TSGA13: variants seen among roughly 807,000 people sequenced by gnomAD.
TSGA13 encodes the protein testis specific 13.
TSGA13 carries 37 observed loss-of-function variants against 35.1 expected under a neutral mutation model. The ratio of observed to expected loss-of-function variants is 1.05; its 90% CI spans 0.81 to 1.39. TSGA13 has a LOEUF of 1.39. Ranked by LOEUF, TSGA13 falls within the 40% of genes most tolerant of loss-of-function variation. TSGA13 has a pLI of 0.00. For missense variants in TSGA13, 338 were observed against 328.5 expected (o/e 1.03, Z -0.22); for synonymous variants, 124 against 121.2 (o/e 1.02, Z -0.15).
rs1796179104 is a variant in TSGA13, at chr7:130,669,030, G to T, written c.812C>A (p.Ala271Asp). The T allele has an allele frequency of 1.2e-6, 2 of 1,614,078 alleles. No individual in the cohort carries two copies. Among genetic ancestry groups the T allele is most frequent in the Non-Finnish European group, 1.7e-6 (2 of 1,180,042 alleles). The change falls in exon 8 of 8, where the codon GCC (alanine) becomes GAC (aspartate). Residue 271 changes from alanine (A) to aspartate (D), a missense_variant. Coordinates refer to ENST00000356588, the MANE Select transcript of TSGA13 (RefSeq NM_052933.4). ...GRAPQWIIKK[A>D]TVIG ...GGTCTGTGTTCACCCGATGACCGTG[G>T]CCTTTTTGATAATCCACTGCGGGGC...
intron 7 of TSGA13, among the ~76,000 whole-genome samples, chr7:130,670,297 C>G (rs1796232461): frequency 6.6e-6 from 1 of 152,138 alleles, no homozygotes. Flanking sequence ...TGACCCCAGG[C>G]CTTCGGTATC....
chr7:130,678,591 T>C (rs191254452), intron 5 of TSGA13, among the ~76,000 whole-genome samples: 16 of 152,312 alleles, frequency 1.1e-4, no homozygotes, highest in Admixed American at 9.2e-4. Context: ...AAATTAAATA[T>C]CTTTGGCCAA....
chr7:130,674,896 CACTT>C (rs1240964722), intron 5 of TSGA13, among the ~76,000 whole-genome samples: 4 of 152,126 alleles, frequency 2.6e-5, no homozygotes, highest in Admixed American at 6.5e-5. Context: ...GCAAAAACTG[CACTT>C]ACTTTTGTGT....
intron 5 of TSGA13, among the ~76,000 whole-genome samples, chr7:130,673,870 G>A (rs926935793): frequency 1.3e-5 from 2 of 152,066 alleles, no homozygotes; most frequent in Admixed American, 6.5e-5. Context: ...CCAAAGCGAT[G>A]GATCATGAGG....
intron 7 of TSGA13, among the ~76,000 whole-genome samples, chr7:130,669,945 A>C (rs1263658023): frequency 6.6e-6 from 1 of 152,182 alleles, no homozygotes; most frequent in East Asian, 1.9e-4. Flanking sequence ...CCTTGGCCCA[A>C]GGGTATTGGG....
chr7:130,674,659 C>T (rs567660002), intron 5 of TSGA13, among the ~76,000 whole-genome samples: 127 of 152,200 alleles, frequency 8.3e-4, no homozygotes, highest in African/African-American at 2.7e-3. Flanking sequence ...TCCCTAGCAC[C>T]CGTAATAGTG....
chr7:130,685,318 C>A lies in TSGA13; in HGVS notation c.-108G>T. 6.3e-7 allele frequency: 1 copy of A among 1,582,682 alleles called. No individual in the cohort carries two copies. Among genetic ancestry groups the A allele is most frequent in the Admixed American group, 1.7e-5 (1 of 59,524 alleles). On this transcript the variant is annotated 5_prime_UTR_variant, in exon 2 of 8. An upstream open reading frame in the 5' UTR gains an earlier in-frame stop. Coordinates refer to ENST00000356588, the MANE Select transcript of TSGA13 (RefSeq NM_052933.4). ...AGGGGTTCAATTCAATCCAAATATT[C>A]TTTCCTTAGCACACAGTGTGTACTC...
chr7:130,672,934 A>G lies in TSGA13; in HGVS notation c.388-58T>C, dbSNP rs558100235. 5.9e-6 allele frequency: 9 copies of G among 1,517,524 alleles called. No individual in the cohort carries two copies. In the East Asian group the frequency reaches 1.9e-4, roughly 32 times the overall value. The allele number at this position is 1,517,524 out of a possible 1,614,324, so 94.0% of individuals were successfully genotyped here. ...GTAAGCTGAGTCCCTTGGGATTTTA[A>G]GTTTGGACCAAGTTCCTGGACTAAG... On this transcript the variant is annotated intron_variant, in intron 5 of 7. Transcript: ENST00000356588.
At chr7:130,685,146 A>T in intron 2 of TSGA13, 42 bp downstream of exon 2, 3 of 1,593,544 alleles carry the variant, frequency 1.9e-6, no homozygotes, top group Middle Eastern at 1.7e-4. Context: ...AGTTAATATA[A>T]AGTGGTGTTT....
At chr7:130,679,573 G>A (rs1796495953) in intron 4 of TSGA13, among the ~76,000 whole-genome samples, 1 of 152,128 alleles carries the variant, frequency 6.6e-6, no homozygotes, top group South Asian at 2.1e-4. Flanking sequence ...CCAGTGGCAT[G>A]ATCATGACTC....
intron 6 of TSGA13, among the ~76,000 whole-genome samples, chr7:130,672,047 C>A (rs1044372745): frequency 2.0e-5 from 3 of 151,958 alleles, no homozygotes; most frequent in South Asian, 4.1e-4. Flanking sequence ...CTTGCCACCA[C>A]GCCTGGCTAA....
chr7:130,681,825 A>C (rs538868384), intron 3 of TSGA13, among the ~76,000 whole-genome samples: 1 of 152,334 alleles, frequency 6.6e-6, no homozygotes, highest in East Asian at 1.9e-4. Flanking sequence ...ATAGGAACAC[A>C]AGGATATAAA....
intron 7 of TSGA13, among the ~76,000 whole-genome samples, chr7:130,670,683 A>G (rs1796245787): frequency 1.3e-5 from 2 of 152,306 alleles, no homozygotes; most frequent in South Asian, 4.1e-4. Context: ...GCAATGGCAT[A>G]ATCACAGCTA....
At chr7:130,687,298 G>A (rs1230712011), upstream of TSGA13, 1 of 152,188 alleles carries the variant, frequency 6.6e-6, no homozygotes, top group East Asian at 1.9e-4. Flanking sequence ...ATTGTATAGT[G>A]TCTTGTAGTT....
intron 6 of TSGA13, among the ~76,000 whole-genome samples, chr7:130,672,254 A>G (rs1349608679): frequency 2.0e-5 from 3 of 152,174 alleles, no homozygotes; most frequent in African/African-American, 7.2e-5. Flanking sequence ...GAGCCTGTTG[A>G]TTGGTGCCAA....
intron 5 of TSGA13, among the ~76,000 whole-genome samples, chr7:130,678,460 T>C (rs913383531): frequency 3.3e-5 from 5 of 152,222 alleles, no homozygotes; most frequent in Admixed American, 6.5e-5. Flanking sequence ...TAAAGCATCA[T>C]TCTTTACTCC....
Position 130,668,794 on chromosome 7 carries a change from C to A in TSGA13, c.*220G>T. ...CCGGTTGGGCCGCCGCGCCTTCACT[C>A]GGGGCCAAGGCCCGCCCTCCCCGGC... is the stretch of plus-strand genomic sequence containing the variant. On this transcript the variant is annotated 3_prime_UTR_variant, in exon 8 of 8. Coordinates refer to ENST00000356588, the MANE Select transcript of TSGA13 (RefSeq NM_052933.4). 7.6e-7 allele frequency: 1 copy of A among 1,315,614 alleles called. No homozygotes were observed. Among genetic ancestry groups the A allele is most frequent in the Non-Finnish European group, 1.0e-6 (1 of 982,384 alleles). The allele number at this position is 1,315,614 out of a possible 1,614,324, so 81.5% of individuals were successfully genotyped here.
chr7:130,679,051 A>AG (rs782363471), intron 5 of TSGA13, 104 bp downstream of exon 5: 17 of 957,302 alleles, frequency 1.8e-5, no homozygotes, highest in African/African-American at 3.3e-5. Context: ...AAAAATTAAG[A>AG]GGTTTTCTGA....
chr7:130,674,701 T>C (rs1796369507), intron 5 of TSGA13, among the ~76,000 whole-genome samples: 1 of 152,214 alleles, frequency 6.6e-6, no homozygotes, highest in Non-Finnish European at 1.5e-5. Flanking sequence ...AATAAATATT[T>C]GTTGAATGAA....
Sources: allele counts gnomAD v4.1 joint callset (sites outside exome capture counted in the v4.1 genomes callset), GRCh38; gene constraint gnomAD v4.1.1; transcripts MANE v1.5; gene names NCBI Gene and HGNC (gene_info 2026-07-23, HGNC 2026-07-21).